Variants in PRRC2B observed in about 807,000 individuals in gnomAD.
The protein encoded by PRRC2B is proline rich coiled-coil 2B, also known as protein PRRC2B.
PRRC2B carries 68 observed loss-of-function variants against 242.3 expected under a neutral mutation model. The ratio of observed to expected loss-of-function variants is 0.28; its 90% CI spans 0.23 to 0.34. The LOEUF (loss-of-function observed/expected upper bound fraction) is 0.34. Ranked by LOEUF, PRRC2B falls within the 10% of genes least tolerant of loss-of-function variation. The probability of loss-of-function intolerance (pLI) is 1.00; values close to 1 mark genes in which losing one functional copy is unlikely to be tolerated. For missense variants in PRRC2B, 2,835 were observed against 2,954.8 expected (o/e 0.96, Z 0.94); for synonymous variants, 1,228 against 1,173.6 (o/e 1.05, Z -0.95).
chr9:131,407,092 G>A (rs1024107719), intron 1 of PRRC2B, among the ~76,000 whole-genome samples: 1 of 152,172 alleles, frequency 6.6e-6, no homozygotes, highest in Non-Finnish European at 1.5e-5. Flanking sequence ...GGGAGAAAAG[G>A]CCATTGTAAT....
At chr9:131,391,021 GTGA>G (rs544673889), upstream of PRRC2B, among the ~76,000 whole-genome samples, 186 of 152,000 alleles carry the variant, frequency 1.2e-3, no homozygotes, top group African/African-American at 4.4e-3. Flanking sequence ...GCCTGACCAA[GTGA>G]TCTGCCCACC....
At position 131,494,491 on chromosome 9, in the gene PRRC2B, A is replaced by G. The variant is rs779762479; in HGVS notation, c.6555+5A>G. 1.3e-6 allele frequency: 2 copies of G among 1,552,156 alleles called. No homozygotes were observed. On this transcript the variant is annotated splice_donor_5th_base_variant and intron_variant, in intron 31 of 31. Transcript: ENST00000683519. This position sits in a 1 kb window ranked among gnomAD's most constrained non-coding sequence, Gnocchi z 4.3. ...CAGGGACACTACGTGCAACAGGTAG[A>G]AGATGGCTTTCCAGACCCTTCAGCC...
At chr9:131,399,717 G>A (rs939645545) in intron 1 of PRRC2B, among the ~76,000 whole-genome samples, 1 of 152,164 alleles carries the variant, frequency 6.6e-6, no homozygotes, top group Admixed American at 6.6e-5. Context: ...TTCTAAATTA[G>A]AGCAATAGTA....
At chr9:131,483,250 T>C in intron 22 of PRRC2B, 109 bp from the exon 23 acceptor site, 1 of 1,040,854 alleles carries the variant, frequency 9.6e-7, no homozygotes, top group Non-Finnish European at 1.5e-6. Context: ...TGAATGCTGC[T>C]CAGTGGAGTT....
chr9:131,455,530 T>C (rs1289852348), intron 10 of PRRC2B, among the ~76,000 whole-genome samples: 1 of 148,220 alleles, frequency 6.7e-6, no homozygotes, highest in East Asian at 2.0e-4. Flanking sequence ...TTTTTTTTTT[T>C]TTTTGAGACA....
rs1246281949 is a variant in PRRC2B at position 131,436,674 on chromosome 9, G to A, written c.348G>A (p.Gln116=). Residue 116 remains glutamine, a synonymous_variant, in exon 4 of 32, where the codon CAG becomes CAA. Transcript: ENST00000683519. The part of the protein sequence containing the change: ...PPESLPQPGL[Q]KSVSNLQKPT... ...AGTCGCTGCCGCAGCCGGGTTTGCAGAAATCTGTCTCCAATTTGCAGAAAC... is the reference window on the plus strand; with the variant it reads ...AGTCGCTGCCGCAGCCGGGTTTGCAAAAATCTGTCTCCAATTTGCAGAAAC... 23 of 1,614,058 alleles carry A rather than the reference G, an allele frequency of 1.4e-5. No individual in the cohort carries two copies. Among genetic ancestry groups the A allele is most frequent in the Non-Finnish European group, 1.9e-5 (22 of 1,179,896 alleles).
In PRRC2B at chr9:131,491,573, G is replaced by A. The variant is rs199539869; in HGVS notation, c.6374G>A (p.Ser2125Asn). ...TCCCAGCCGCCAGTCCTGAACACCA[G>A]CAGAGAGGTAAGGGGACCCCATCTG... ...PGSQPPVLNT[S>N]REPSQMEMKG... is the part of the protein sequence containing the mutation. The change falls in exon 29 of 32, where the codon AGC (serine) becomes AAC (asparagine). Residue 2125 changes from serine to asparagine, a missense_variant. Coordinates refer to ENST00000683519, the MANE Select transcript of PRRC2B (RefSeq NM_013318.4). The A allele has an allele frequency of 5.8e-5, 93 of 1,610,050 alleles. No homozygotes were observed. The highest frequency in any genetic ancestry group is 7.2e-5 in the Non-Finnish European group (85 of 1,178,532).
Position 131,417,910 on chromosome 9 carries a change from C to T in PRRC2B, c.-51-12184C>T, listed in dbSNP as rs570410994. 1.2e-3 allele frequency among the ~76,000 whole-genome samples: 188 copies of T among 152,320 alleles called. 1 individual carries two copies. Among genetic ancestry groups the T allele is most frequent in the African/African-American group, 3.9e-3 (162 of 41,564 alleles). On this transcript the variant is annotated intron_variant, in intron 1 of 31. Coordinates refer to ENST00000683519, the MANE Select transcript of PRRC2B (RefSeq NM_013318.4). The stretch of plus-strand genomic sequence containing the variant: ...ATCGAGCATGACTCTCTTTTTGTGT[C>T]AGAACCTCAAGAACTGCCATTTGCT...
rs1204982877 is a variant in PRRC2B, at chr9:131,476,037, G to A, written c.3908G>A (p.Arg1303His). Residue 1303 changes from arginine (R) to histidine (H), a missense_variant, in exon 16 of 32, where the codon CGC becomes CAC. This residue lies in a region of PRRC2B where 1,536 missense variants were observed against 1,483.1 expected (regional missense o/e 1.04). Transcript: ENST00000683519. ...GAGAACCGGCCCTTCAGGAGAAGGC[G>A]CCCCCCACGCCAAGATAAGCCCCCT... ...NAENRPFRRR[R>H]PPRQDKPPRF... 19 of 1,605,028 alleles carry A rather than the reference G, an allele frequency of 1.2e-5. No individual in the cohort carries two copies. Among genetic ancestry groups the A allele is most frequent in the African/African-American group, 2.7e-5 (2 of 74,652 alleles).
rs780309363 is a variant in PRRC2B, at chr9:131,482,366, C to A, written c.4984-5C>A. The stretch of plus-strand genomic sequence containing the variant: ...AGGCTATAACCCATTTTGTGCTCTG[C>A]ACAGCAGGGTTTTAAGAGCAGCCAG... On this transcript the variant is annotated splice_region_variant and splice_polypyrimidine_tract_variant and intron_variant, in intron 20 of 31. Transcript: ENST00000683519. The surrounding 1 kb of genome is among the most constrained non-coding windows in gnomAD (Gnocchi z 5.2). The A allele has an allele frequency of 6.4e-7, 1 of 1,572,090 alleles. No homozygotes were observed. The highest frequency in any genetic ancestry group is 8.7e-7 in the Non-Finnish European group (1 of 1,152,088).
At chr9:131,399,861 T>C (rs925512181) in intron 1 of PRRC2B, among the ~76,000 whole-genome samples, 2 of 152,194 alleles carry the variant, frequency 1.3e-5, no homozygotes, top group Admixed American at 1.3e-4. Flanking sequence ...CCTGTATTCG[T>C]AGACATTTAG....
At chr9:131,393,947 C>T (rs1285737369), upstream of PRRC2B, 2 of 151,380 alleles carry the variant, frequency 1.3e-5, no homozygotes, top group African/African-American at 4.8e-5. Flanking sequence ...GGGCCGATCC[C>T]AAGGCCGCCG....
intron 9 of PRRC2B, among the ~76,000 whole-genome samples, chr9:131,454,621 C>A (rs1239455513): frequency 6.6e-6 from 1 of 151,824 alleles, no homozygotes; most frequent in East Asian, 1.9e-4. Context: ...GCCTGGGTAC[C>A]ACTGACCTTT....
chr9:131,426,337 C>CAAAAAAAAAAAAAA (rs5900939), intron 1 of PRRC2B, among the ~76,000 whole-genome samples: 1 of 84,464 alleles, frequency 1.2e-5, no homozygotes. Context: ...AACTCTGTCT[C>CAAAAAAAAAAAAAA]AAAAAAAAAA....
intron 2 of PRRC2B, among the ~76,000 whole-genome samples, chr9:131,431,810 T>TC (rs1448384224): frequency 6.6e-6 from 1 of 150,560 alleles, no homozygotes; most frequent in African/African-American, 2.5e-5. Flanking sequence ...ATGGTCTCGA[T>TC]CTCCTGACCT....
At chr9:131,432,878 A>T in intron 3 of PRRC2B, 84 bp downstream of exon 3, 1 of 1,412,514 alleles carries the variant, frequency 7.1e-7, no homozygotes, top group Non-Finnish European at 9.8e-7. Context: ...ACTAACCCTA[A>T]CCCTTTGGCT....
intron 1 of PRRC2B, among the ~76,000 whole-genome samples, chr9:131,416,351 C>T (rs1350528277): frequency 2.0e-5 from 3 of 152,166 alleles, no homozygotes; most frequent in East Asian, 3.9e-4. Flanking sequence ...TCATGATCTG[C>T]CGCCTCGGCC....
intron 11 of PRRC2B, among the ~76,000 whole-genome samples, chr9:131,463,839 C>T (rs898235711): frequency 5.9e-5 from 9 of 151,772 alleles, no homozygotes; most frequent in Non-Finnish European, 1.2e-4. Flanking sequence ...CACCATATTG[C>T]CCAGGCTGGT....
At chr9:131,430,540 GA>G (rs1838118597) in intron 2 of PRRC2B, among the ~76,000 whole-genome samples, 1 of 130,384 alleles carries the variant, frequency 7.7e-6, no homozygotes, top group Non-Finnish European at 1.7e-5. Flanking sequence ...TCTATCTATA[GA>G]TATCTATAGG....
Sources: gnomAD v4.1 joint callset for allele counts (sites outside exome capture counted in the v4.1 genomes callset) on GRCh38, gnomAD v4.1.1 for gene constraint, gnomAD v4.1.1 regional missense constraint, Gnocchi (gnomAD v3.1) non-coding constraint, MANE v1.5 for transcripts, NCBI Gene and HGNC (gene_info 2026-07-23, HGNC 2026-07-21) for gene names.